Variants in NR3C2 observed in about 807,000 individuals in gnomAD.
The protein encoded by NR3C2 is mineralocorticoid receptor.
NR3C2 carries 15 observed loss-of-function variants against 86.4 expected under a neutral mutation model. The observed-to-expected ratio is 0.17, with a 90% confidence interval of 0.12 to 0.27. The LOEUF (loss-of-function observed/expected upper bound fraction) is 0.27. NR3C2 is among the 10% of genes least tolerant of loss of function. The pLI, the probability that NR3C2 is intolerant of heterozygous loss-of-function variation, is 1.00. For missense variants in NR3C2, 960 were observed against 1,195.6 expected, an observed-to-expected ratio of 0.80 and a Z score of 2.91; for synonymous variants, 458 against 450.5, an observed-to-expected ratio of 1.02 and a Z score of -0.21.
At chr4:148,425,101 ACT>A (rs1441718387) in intron 2 of NR3C2, among the ~76,000 whole-genome samples, 4 of 152,316 alleles carry the variant, frequency 2.6e-5, no homozygotes, top group African/African-American at 9.6e-5. Flanking sequence ...ACTCAGTAGA[ACT>A]CTGTCATTTA....
chr4:148,146,779 A>C (rs1733889795), intron 6 of NR3C2: 1 of 152,216 alleles, frequency 6.6e-6, no homozygotes, highest in Non-Finnish European at 1.5e-5. Flanking sequence ...AACAATCCAA[A>C]GTTCAGATGC....
At chr4:148,356,896 C>G (rs904756075) in intron 2 of NR3C2, among the ~76,000 whole-genome samples, 1 of 127,510 alleles carries the variant, frequency 7.8e-6, no homozygotes. Context: ...ACACTAAGCA[C>G]GACTGTGTGT....
chr4:148,375,758 AACTCCGC>A (rs1746646548), intron 2 of NR3C2, among the ~76,000 whole-genome samples: 1 of 152,282 alleles, frequency 6.6e-6, no homozygotes, highest in African/African-American at 2.4e-5. Flanking sequence ...TGAAAAGCAG[AACTCCGC>A]ACCCTTCCCT....
At chr4:148,417,088 T>C (rs1749050437) in intron 2 of NR3C2, among the ~76,000 whole-genome samples, 1 of 152,210 alleles carries the variant, frequency 6.6e-6, no homozygotes, top group Non-Finnish European at 1.5e-5. Flanking sequence ...GTATTTGTTT[T>C]TCTATGAGCT....
chr4:148,250,535 A>G (rs17024514), intron 3 of NR3C2, among the ~76,000 whole-genome samples: 4,595 of 152,210 alleles, frequency 0.03, 257 homozygotes, highest in African/African-American at 0.1. Context: ...AACTTCCCAT[A>G]CACTGCACCA....
chr4:148,083,788 G>A (rs531518115), intron 8 of NR3C2, among the ~76,000 whole-genome samples: 7 of 152,162 alleles, frequency 4.6e-5, no homozygotes, highest in Admixed American at 6.5e-5. Flanking sequence ...GAAAAAAGAC[G>A]AATTGTTAAC....
At chr4:148,424,474 T>C (rs947751391) in intron 2 of NR3C2, among the ~76,000 whole-genome samples, 7 of 152,208 alleles carry the variant, frequency 4.6e-5, no homozygotes, top group Non-Finnish European at 1.0e-4. Flanking sequence ...TCTATGCAGA[T>C]ATTTGTATGT....
intron 3 of NR3C2, among the ~76,000 whole-genome samples, chr4:148,233,744 T>C (rs1193329967): frequency 6.6e-6 from 1 of 152,062 alleles, no homozygotes; most frequent in African/African-American, 2.4e-5. Context: ...CATACAACAT[T>C]TGTAATTTAT....
chr4:148,422,400 T>A (rs940289793), intron 2 of NR3C2, among the ~76,000 whole-genome samples: 1 of 152,010 alleles, frequency 6.6e-6, no homozygotes, highest in African/African-American at 2.4e-5. Context: ...TCTCAGGATA[T>A]AATTTCCATT....
intron 6 of NR3C2, among the ~76,000 whole-genome samples, chr4:148,134,250 G>A (rs1733172238): frequency 6.6e-6 from 1 of 152,068 alleles, no homozygotes; most frequent in Admixed American, 6.5e-5. Flanking sequence ...TCATTACCGG[G>A]TGAAATAAGT....
chr4:148,080,006 T>TC lies in NR3C2; in HGVS notation c.*1337_*1338insG, dbSNP rs1730470279. The TC allele has an allele frequency of 6.6e-6, 1 of 152,080 alleles. No individual in the cohort carries two copies. Among genetic ancestry groups the TC allele is most frequent in the Non-Finnish European group, 1.5e-5 (1 of 68,026 alleles). The allele number at this position is 152,080 out of a possible 1,614,324, so 9.4% of individuals were successfully genotyped here. A position where few individuals can be genotyped will look rare whatever the true frequency, so the allele number is the denominator to read the frequency against. ...CAGGAGAAAATCTGATTTTCTAAAA[T>TC]GGGAGGAAAAGATGCTCTCTGAGCC... is the stretch of plus-strand genomic sequence containing the variant. On this transcript the variant is annotated 3_prime_UTR_variant, in exon 9 of 9. Coordinates refer to ENST00000358102, the MANE Select transcript of NR3C2 (RefSeq NM_000901.5).
intron 2 of NR3C2, among the ~76,000 whole-genome samples, chr4:148,415,255 G>C (rs1359957336): frequency 1.3e-5 from 2 of 152,170 alleles, no homozygotes; most frequent in African/African-American, 4.8e-5. Flanking sequence ...AGGAACTGAA[G>C]GAGTCAAATT....
intron 2 of NR3C2, among the ~76,000 whole-genome samples, chr4:148,288,530 C>T (rs1354917924): frequency 1.3e-5 from 2 of 152,222 alleles, no homozygotes; most frequent in African/African-American, 4.8e-5. Context: ...ATCAACCTGT[C>T]CTCACCCCTC....
At chr4:148,265,104 A>G (rs536572587) in intron 2 of NR3C2, among the ~76,000 whole-genome samples, 20 of 152,330 alleles carry the variant, frequency 1.3e-4, no homozygotes, top group African/African-American at 3.8e-4. Context: ...AGGATTTTAT[A>G]CAAATGTTAA....
chr4:148,162,011 G>A (rs1356210803), intron 4 of NR3C2, among the ~76,000 whole-genome samples: 1 of 152,074 alleles, frequency 6.6e-6, no homozygotes, highest in Non-Finnish European at 1.5e-5. Flanking sequence ...TTTGCTTTTG[G>A]TGTGAGGCAG....
chr4:148,218,833 C>T (rs945048809), intron 3 of NR3C2, among the ~76,000 whole-genome samples: 12 of 152,152 alleles, frequency 7.9e-5, no homozygotes, highest in Non-Finnish European at 1.2e-4. Flanking sequence ...TGTTGCAGTG[C>T]GTGCTGAACA....
At chr4:148,269,390 T>C (rs1740558495) in intron 2 of NR3C2, among the ~76,000 whole-genome samples, 1 of 152,142 alleles carries the variant, frequency 6.6e-6, no homozygotes, top group African/African-American at 2.4e-5. Flanking sequence ...TGCACATGTA[T>C]AAGATGCATA....
intron 2 of NR3C2, among the ~76,000 whole-genome samples, chr4:148,345,768 C>T (rs1744959952): frequency 6.6e-6 from 1 of 151,980 alleles, no homozygotes; most frequent in Admixed American, 6.6e-5. Flanking sequence ...TTCATTCACT[C>T]ATCCTTCTAA....
chr4:148,218,416 A>G (rs1428483680), intron 3 of NR3C2, among the ~76,000 whole-genome samples: 1 of 152,242 alleles, frequency 6.6e-6, no homozygotes, highest in Admixed American at 6.5e-5. Context: ...GCTATAGAAC[A>G]TAAACACATA....
Sources: gnomAD v4.1 joint callset for allele counts (sites outside exome capture counted in the v4.1 genomes callset) on GRCh38, gnomAD v4.1.1 for gene constraint, MANE v1.5 for transcripts, NCBI Gene and HGNC (gene_info 2026-07-23, HGNC 2026-07-21) for gene names.